Variants in TRIO observed in about 807,000 individuals in gnomAD.
TRIO encodes triple functional domain protein.
In TRIO, 58 loss-of-function variants were observed where a neutral mutation model predicts 351.9. That is an observed-to-expected ratio of 0.16 (90% confidence interval 0.13 to 0.21). The LOEUF (loss-of-function observed/expected upper bound fraction) is 0.21. TRIO is among the 10% of genes least tolerant of loss of function. TRIO has a pLI of 1.00. For missense variants in TRIO, 3,201 were observed against 4,027.8 expected (o/e 0.79, Z 5.56); for synonymous variants, 1,758 against 1,595.7 (o/e 1.10, Z -2.42).
intron 28 of TRIO, among the ~76,000 whole-genome samples, chr5:14,395,318 A>G (rs907183186): frequency 1.5e-4 from 23 of 152,360 alleles, no homozygotes; most frequent in African/African-American, 5.0e-4. Flanking sequence ...CAGGAGGCTA[A>G]TTTGTTCATA....
rs1056212365 is a variant in TRIO, at chr5:14,191,820, T to C, written c.157+47938T>C. Among the ~76,000 whole-genome samples, 7 of 152,318 alleles carry C rather than the reference T, an allele frequency of 4.6e-5. No homozygotes were observed. In the South Asian group the frequency reaches 1.5e-3, roughly 32 times the overall value. ...AAGACTTCTTGTGGTTCTTAATAAA[T>C]TGTCTTCCTGAACCTAGTGGCTCTG... On this transcript the variant is annotated intron_variant, in intron 1 of 56. Coordinates refer to ENST00000344204, the MANE Select transcript of TRIO (RefSeq NM_007118.4).
chr5:14,203,515 A>G (rs754116959), intron 1 of TRIO, among the ~76,000 whole-genome samples: 1 of 152,254 alleles, frequency 6.6e-6, no homozygotes, highest in Non-Finnish European at 1.5e-5. Context: ...TTAATAATGA[A>G]ATAAGCATAT....
At chr5:14,449,199 G>C (rs575163933) in intron 34 of TRIO, among the ~76,000 whole-genome samples, 1 of 152,300 alleles carries the variant, frequency 6.6e-6, no homozygotes, top group South Asian at 2.1e-4. Flanking sequence ...GAGTCTGCCT[G>C]GTTCACCCCA....
At chr5:14,151,381 TGTGTTTG>T (rs1787820251) in intron 1 of TRIO, among the ~76,000 whole-genome samples, 2 of 84,284 alleles carry the variant, frequency 2.4e-5, no homozygotes, top group African/African-American at 1.4e-4. Flanking sequence ...TGTGTGTGTG[TGTGTTTG>T]TGTGTGTGTG....
intron 6 of TRIO, among the ~76,000 whole-genome samples, chr5:14,294,971 C>T (rs774107161): frequency 6.6e-6 from 1 of 152,114 alleles, no homozygotes; most frequent in Non-Finnish European, 1.5e-5. Context: ...CAATATACTT[C>T]TGTTACTTTT....
chr5:14,393,966 A>T (rs1323139755), intron 27 of TRIO, 72 bp from the exon 28 acceptor site: 22 of 948,538 alleles, frequency 2.3e-5, no homozygotes, highest in Non-Finnish European at 3.1e-5. Context: ...TGGAAAAGTA[A>T]TGTGTTTTAT....
chr5:14,442,855 C>A (rs1752173491), intron 34 of TRIO, among the ~76,000 whole-genome samples: 1 of 152,196 alleles, frequency 6.6e-6, no homozygotes, highest in Admixed American at 6.5e-5. Flanking sequence ...AGTAAATTAC[C>A]TTCTCTCTCT....
intron 2 of TRIO, among the ~76,000 whole-genome samples, chr5:14,271,926 G>A (rs1490196415): frequency 6.6e-6 from 1 of 152,044 alleles, no homozygotes; most frequent in East Asian, 1.9e-4. Context: ...ATATTTCTTG[G>A]CCCCTGTTAA....
At chr5:14,439,435 T>A (rs1253012503) in intron 34 of TRIO, among the ~76,000 whole-genome samples, 1 of 152,214 alleles carries the variant, frequency 6.6e-6, no homozygotes, top group Non-Finnish European at 1.5e-5. Context: ...ATATTACACA[T>A]AAAGTAATTA....
At chr5:14,259,045 T>G (rs1795190691) in intron 1 of TRIO, among the ~76,000 whole-genome samples, 1 of 152,156 alleles carries the variant, frequency 6.6e-6, no homozygotes, top group Admixed American at 6.5e-5. Flanking sequence ...GCTGGTCGTT[T>G]CCTCAAGCTC....
chr5:14,494,559 A>T (rs896493556), intron 49 of TRIO, among the ~76,000 whole-genome samples: 3 of 152,380 alleles, frequency 2.0e-5, no homozygotes, highest in Non-Finnish European at 2.9e-5. Context: ...TCCATGCTAC[A>T]GCCCACGGAT....
chr5:14,426,262 A>G (rs1428933458), intron 34 of TRIO, among the ~76,000 whole-genome samples: 5 of 151,848 alleles, frequency 3.3e-5, no homozygotes, highest in Non-Finnish European at 7.4e-5. Flanking sequence ...ACACCTATAC[A>G]CCTTCTCTTG....
At chr5:14,237,431 G>A (rs1418662683) in intron 1 of TRIO, among the ~76,000 whole-genome samples, 2 of 152,168 alleles carry the variant, frequency 1.3e-5, no homozygotes, top group Admixed American at 6.5e-5. Context: ...TGTGAGTGTC[G>A]TGTGATGGGG....
At chr5:14,335,459 C>T (rs1263872711) in intron 10 of TRIO, among the ~76,000 whole-genome samples, 4 of 152,170 alleles carry the variant, frequency 2.6e-5, no homozygotes, top group Non-Finnish European at 4.4e-5. Flanking sequence ...CAGCGTCTCC[C>T]GGGGCTCCCC....
intron 34 of TRIO, chr5:14,420,277 G>T: frequency 2.1e-6 from 1 of 478,956 alleles, no homozygotes; most frequent in East Asian, 4.1e-5. Flanking sequence ...CATCAGTTTA[G>T]AGAAGAACAC....
intron 1 of TRIO, among the ~76,000 whole-genome samples, chr5:14,144,749 G>C (rs1309560653): frequency 1.3e-5 from 2 of 151,930 alleles, no homozygotes; most frequent in Non-Finnish European, 2.9e-5. Context: ...GCTGCGCAGG[G>C]GGCGTGACAG....
At position 14,497,012 on chromosome 5, in the gene TRIO, G is replaced by C. The variant is rs753808954; in HGVS notation, c.8014G>C (p.Val2672Leu). ...GGAAGGACTCAGCAACAAGGTATCTGTGAAGGTGTGTTCGGGGGTCTTCAG... is the reference window on the plus strand; with the variant it reads ...GGAAGGACTCAGCAACAAGGTATCTCTGAAGGTGTGTTCGGGGGTCTTCAG... ...SREGLSNKVS[V>L]KLLNPNYIYD... is the part of the protein sequence containing the mutation. The change falls in exon 50 of 57, where the codon GTG becomes CTG. Residue 2672 changes from valine (V) to leucine (L), a missense_variant. Physicochemically the swap from Val to Leu is conservative, Grantham distance 32 (BLOSUM62 1). Around this residue, in one of 19 missense-constraint regions of TRIO, gnomAD observed 1,089 missense variants for 954.9 expected, o/e 1.14. Transcript: ENST00000344204. This position sits in a 1 kb window ranked among gnomAD's most constrained non-coding sequence, Gnocchi z 4.4. 6.2e-7 allele frequency: 1 copy of C among 1,614,206 alleles called. No homozygotes were observed. The highest frequency in any genetic ancestry group is 8.5e-7 in the Non-Finnish European group (1 of 1,180,020).
chr5:14,301,638 T>C (rs1294833120), intron 7 of TRIO, among the ~76,000 whole-genome samples: 1 of 152,162 alleles, frequency 6.6e-6, no homozygotes, highest in Non-Finnish European at 1.5e-5. Context: ...ATGATATCAT[T>C]GTCATATTAG....
chr5:14,228,328 T>C (rs1194127052), intron 1 of TRIO, among the ~76,000 whole-genome samples: 4 of 152,240 alleles, frequency 2.6e-5, no homozygotes, highest in Non-Finnish European at 4.4e-5. Context: ...AATTGGAGAC[T>C]GTTCCCTGCC....
Sources: gnomAD v4.1 joint callset for allele counts (sites outside exome capture counted in the v4.1 genomes callset) on GRCh38, gnomAD v4.1.1 for gene constraint, gnomAD v4.1.1 regional missense constraint, Gnocchi (gnomAD v3.1) non-coding constraint, MANE v1.5 for transcripts, NCBI Gene and HGNC (gene_info 2026-07-23, HGNC 2026-07-21) for gene names.